The following PCDH15 variants were observed in gnomAD, a reference collection of about 807,000 sequenced individuals.
PCDH15 encodes protocadherin-15.
In PCDH15, 129 loss-of-function variants were observed where a neutral mutation model predicts 178.5. That is an observed-to-expected ratio of 0.72 (90% CI 0.63 to 0.84). PCDH15 has a LOEUF of 0.84. PCDH15 is among the 40% of genes least tolerant of loss of function. The probability of loss-of-function intolerance (pLI) is 0.00; values close to 1 mark genes in which losing one functional copy is unlikely to be tolerated. For missense variants in PCDH15, 2,230 were observed against 2,099.9 expected, an observed-to-expected ratio of 1.06 and a Z score of -1.21; for synonymous variants, 800 against 732.0, an observed-to-expected ratio of 1.09 and a Z score of -1.50.
intron 1 of PCDH15, among the ~76,000 whole-genome samples, chr10:54,741,884 G>C (rs1472343601): frequency 6.6e-6 from 1 of 152,000 alleles, no homozygotes; most frequent in Non-Finnish European, 1.5e-5. Context: ...CAAGTCACTT[G>C]AGTGGTAATC....
chr10:54,796,272 A>G (rs866105116), intron 1 of PCDH15, among the ~76,000 whole-genome samples: 2 of 99,800 alleles, frequency 2.0e-5, no homozygotes, highest in South Asian at 3.2e-4. Flanking sequence ...CTATCTATCT[A>G]TGTATCTATG....
chr10:54,317,472 T>C lies in PCDH15; in HGVS notation c.706-31A>G, dbSNP rs11004227. ...AGGGAGAAAAACAAACAACAGGTAG[T>C]TTATAGAAATTAGGCACAATAGCCA... On this transcript the variant is annotated intron_variant, in intron 7 of 37. Transcript: ENST00000644397. 17,180 of 1,611,372 alleles carry C rather than the reference T, an allele frequency of 0.011. 1,010 individuals carry two copies. The African/African-American group carries it at 0.16, about 15-fold the overall frequency.
intron 8 of PCDH15, among the ~76,000 whole-genome samples, chr10:54,311,345 C>A (rs888971013): frequency 4.0e-4 from 61 of 152,110 alleles, no homozygotes; most frequent in African/African-American, 1.4e-3. Context: ...GCCAACCAAT[C>A]AAGCAAACAC....
intron 2 of PCDH15, among the ~76,000 whole-genome samples, chr10:54,993,555 C>A (rs1839562662): frequency 6.6e-6 from 1 of 151,930 alleles, no homozygotes; most frequent in African/African-American, 2.4e-5. Flanking sequence ...TTGTATTTAA[C>A]AAAATGGATA....
At chr10:53,909,077 G>T (rs1330426903) in intron 25 of PCDH15, among the ~76,000 whole-genome samples, 2 of 152,112 alleles carry the variant, frequency 1.3e-5, no homozygotes, top group Non-Finnish European at 2.9e-5. Flanking sequence ...TAATCCTCAC[G>T]TATCGACGGA....
intron 18 of PCDH15, among the ~76,000 whole-genome samples, chr10:54,032,610 GAAGA>G (rs1050352229): frequency 6.6e-6 from 1 of 151,824 alleles, no homozygotes; most frequent in African/African-American, 2.4e-5. Flanking sequence ...CTGTTTATTA[GAAGA>G]AATATAAGAA....
chr10:54,028,845 G>A (rs1048305622), intron 18 of PCDH15, among the ~76,000 whole-genome samples: 15 of 149,430 alleles, frequency 1.0e-4, no homozygotes, highest in African/African-American at 3.2e-4. Flanking sequence ...GCTAGATGAC[G>A]AGTTAGTGGG....
rs533903146 is a variant in PCDH15 at position 54,577,170 on chromosome 10, C to T, written c.92-49293G>A. On this transcript the variant is annotated intron_variant, in intron 2 of 37. Transcript: ENST00000644397. ...CGATCTCGGCTCACTGCAACCTCTG[C>T]CTACTGGGTTCAAGTGATTCTCCTG... Among the ~76,000 whole-genome samples, 5 of 152,014 alleles carry T rather than the reference C, an allele frequency of 3.3e-5. No homozygotes were observed. The East Asian group carries it at 9.7e-4, about 29-fold the overall frequency.
chr10:54,207,378 A>ATG (rs879535806), intron 10 of PCDH15, among the ~76,000 whole-genome samples: 97 of 12,210 alleles, frequency 7.9e-3, no homozygotes, highest in East Asian at 0.036. Flanking sequence ...GTGTGTGTGT[A>ATG]TGTGTGTGTG....
chr10:54,532,764 A>G (rs1048820820), intron 2 of PCDH15, among the ~76,000 whole-genome samples: 1 of 100,390 alleles, frequency 1.0e-5, no homozygotes, highest in African/African-American at 3.8e-5. Flanking sequence ...ATAACAATGA[A>G]AAAAAAAAAC....
intron 3 of PCDH15, among the ~76,000 whole-genome samples, chr10:54,817,477 A>G (rs1218801878): frequency 6.6e-6 from 1 of 152,018 alleles, no homozygotes; most frequent in East Asian, 1.9e-4. Flanking sequence ...ATGCCGTAGA[A>G]GCTGAAATGA....
intron 2 of PCDH15, among the ~76,000 whole-genome samples, chr10:55,337,282 A>G (rs1449009755): frequency 6.6e-6 from 1 of 152,230 alleles, no homozygotes; most frequent in Non-Finnish European, 1.5e-5. Flanking sequence ...CTTTTCACAC[A>G]GAAAATTATT....
chr10:55,580,856 T>G (rs765162931), intron 2 of PCDH15, among the ~76,000 whole-genome samples: 18 of 152,196 alleles, frequency 1.2e-4, no homozygotes, highest in Non-Finnish European at 2.4e-4. Context: ...TGGAAGCTGG[T>G]GGCTGATTTA....
At chr10:54,720,962 T>C (rs1287464514) in intron 1 of PCDH15, among the ~76,000 whole-genome samples, 1 of 152,044 alleles carries the variant, frequency 6.6e-6, no homozygotes, top group Non-Finnish European at 1.5e-5. Context: ...GGATAGAGCA[T>C]TCTCCTAAAC....
At chr10:54,242,124 CTATTTTTATATATATATATATATATATA>C (rs2055378510) in intron 8 of PCDH15, among the ~76,000 whole-genome samples, 3 of 62,250 alleles carry the variant, frequency 4.8e-5, no homozygotes, top group African/African-American at 2.0e-4. Flanking sequence ...GGTCTGAATT[CTATTTTTATATATATATATATATATATA>C]TATATATATA....
At chr10:55,605,944 A>AG (rs772325170) in intron 2 of PCDH15, among the ~76,000 whole-genome samples, 20 of 20 alleles carry the variant, frequency 1, 10 homozygotes, top group Non-Finnish European at 1. Context: ...TTAGGAAAAG[A>AG]GAAGTCAAAT....
chr10:55,024,138 T>TATAGGAAGGAATATATATAGAGAG (rs1564726512), intron 2 of PCDH15, among the ~76,000 whole-genome samples: 5 of 144,580 alleles, frequency 3.5e-5, no homozygotes, highest in African/African-American at 1.3e-4. Flanking sequence ...TATATATATA[T>TATAGGAAGGAATATATATAGAGAG]AGGAAGGAAT....
At chr10:53,985,460 A>G (rs2091028507) in intron 21 of PCDH15, among the ~76,000 whole-genome samples, 1 of 152,148 alleles carries the variant, frequency 6.6e-6, no homozygotes, top group Non-Finnish European at 1.5e-5. Flanking sequence ...TTGACTCTGT[A>G]GTAAAGATGG....
At chr10:55,361,311 GC>G (rs1284500427) in intron 2 of PCDH15, among the ~76,000 whole-genome samples, 1 of 151,904 alleles carries the variant, frequency 6.6e-6, no homozygotes, top group Non-Finnish European at 1.5e-5. Flanking sequence ...CACTGGGTGT[GC>G]CCTTGTTAAT....
Sources: allele counts gnomAD v4.1 joint callset (sites outside exome capture counted in the v4.1 genomes callset), GRCh38; gene constraint gnomAD v4.1.1; transcripts MANE v1.5; gene names NCBI Gene and HGNC (gene_info 2026-07-23, HGNC 2026-07-21).